Variants in CNTN4 observed in about 807,000 individuals in gnomAD.
CNTN4 encodes contactin 4.
In CNTN4, 77 loss-of-function variants were observed where a neutral mutation model predicts 122.5. That is an observed-to-expected ratio of 0.63 (90% confidence interval 0.52 to 0.76). The LOEUF is 0.76. Ranked by LOEUF, CNTN4 falls within the 30% of genes least tolerant of loss-of-function variation. CNTN4 has a pLI of 0.00. For missense variants in CNTN4, 1,256 were observed against 1,259.1 expected, an observed-to-expected ratio of 1.00 and a Z score of 0.04; for synonymous variants, 512 against 447.0, an observed-to-expected ratio of 1.15 and a Z score of -1.83.
intron 10 of CNTN4, among the ~76,000 whole-genome samples, chr3:2,887,580 C>A (rs2093993260): frequency 6.6e-6 from 1 of 151,308 alleles, no homozygotes; most frequent in Admixed American, 6.6e-5. Context: ...TTTTTTTAAG[C>A]TCTGTGCTTT....
chr3:2,121,497 A>G (rs79185185), intron 2 of CNTN4, among the ~76,000 whole-genome samples: 1 of 68,570 alleles, frequency 1.5e-5, no homozygotes. Context: ...ACTCCGTCTC[A>G]AAAAAAAAAA....
At chr3:2,129,992 A>G (rs548342255) in intron 2 of CNTN4, among the ~76,000 whole-genome samples, 1 of 152,170 alleles carries the variant, frequency 6.6e-6, no homozygotes, top group East Asian at 1.9e-4. Flanking sequence ...AACTATTTCT[A>G]CTGTGAACTG....
At chr3:2,175,242 G>A (rs918773812) in intron 2 of CNTN4, among the ~76,000 whole-genome samples, 4 of 151,702 alleles carry the variant, frequency 2.6e-5, no homozygotes, top group Non-Finnish European at 5.9e-5. Context: ...AACCTCTGCC[G>A]ATAGCTTGCC....
chr3:2,902,798 A>G (rs2094189064), intron 11 of CNTN4, 78 bp from the exon 12 acceptor site: 2 of 1,469,220 alleles, frequency 1.4e-6, no homozygotes, highest in South Asian at 2.4e-5. Flanking sequence ...AGCTTCCTTG[A>G]TATTACACAT....
chr3:2,630,263 C>T (rs916754400), intron 4 of CNTN4, among the ~76,000 whole-genome samples: 1 of 152,056 alleles, frequency 6.6e-6, no homozygotes, highest in Non-Finnish European at 1.5e-5. Context: ...GGTGAAACCC[C>T]ATCTGTGCCA....
chr3:3,025,147 A>G (rs1053535924), intron 14 of CNTN4, among the ~76,000 whole-genome samples: 3 of 152,178 alleles, frequency 2.0e-5, no homozygotes, highest in Non-Finnish European at 4.4e-5. Flanking sequence ...AAAATAAGGC[A>G]CTATGGGTGT....
chr3:2,856,489 T>C (rs538965332), intron 7 of CNTN4, among the ~76,000 whole-genome samples: 29 of 152,258 alleles, frequency 1.9e-4, no homozygotes, highest in Non-Finnish European at 3.5e-4. Context: ...AGGGGATCAG[T>C]GACTATTTTT....
chr3:2,471,553 A>G (rs2075683688), intron 3 of CNTN4, among the ~76,000 whole-genome samples: 1 of 152,152 alleles, frequency 6.6e-6, no homozygotes, highest in South Asian at 2.1e-4. Flanking sequence ...CTTCCGAAAT[A>G]GTTAATTCAA....
In CNTN4 at chr3:2,747,215, C is replaced by T. The variant is rs372964055; in HGVS notation, c.358+1518C>T. On this transcript the variant is annotated intron_variant, in intron 6 of 24. Coordinates refer to ENST00000418658, the MANE Select transcript of CNTN4 (RefSeq NM_175607.3). Reference sequence around the variant, plus strand: ...ACGAGGTCAGGAGATCGAGACCATCCTGGCTAACACGATGAAACCGCGTCT... The same window carrying T: ...ACGAGGTCAGGAGATCGAGACCATCTTGGCTAACACGATGAAACCGCGTCT... Among the ~76,000 whole-genome samples, 13 of 152,120 alleles carry T rather than the reference C, an allele frequency of 8.5e-5. 1 individual carries two copies. The highest frequency in any genetic ancestry group is 4.1e-4 in the South Asian group (2 of 4,824).
chr3:2,286,973 G>A (rs916038518), intron 2 of CNTN4, among the ~76,000 whole-genome samples: 1 of 152,180 alleles, frequency 6.6e-6, no homozygotes, highest in African/African-American at 2.4e-5. Flanking sequence ...GTAGGTAGAA[G>A]TATGAAGAAT....
At chr3:2,362,400 G>C (rs749818840) in intron 3 of CNTN4, 2 of 342,816 alleles carry the variant, frequency 5.8e-6, no homozygotes, top group Non-Finnish European at 1.1e-5. Context: ...CAATTCCTGG[G>C]GGTGTAGCCC....
chr3:2,475,272 G>A (rs1437938583), intron 3 of CNTN4, among the ~76,000 whole-genome samples: 1 of 152,134 alleles, frequency 6.6e-6, no homozygotes, highest in Admixed American at 6.5e-5. Flanking sequence ...AGAAGAAAAG[G>A]ATGCCATTTG....
intron 2 of CNTN4, among the ~76,000 whole-genome samples, chr3:2,261,806 A>G (rs536311675): frequency 1.8e-4 from 27 of 152,264 alleles, no homozygotes; most frequent in Admixed American, 9.8e-4. Flanking sequence ...TTCCATTTGT[A>G]CTACTTTTTA....
intron 3 of CNTN4, among the ~76,000 whole-genome samples, chr3:2,478,917 T>G (rs949261849): frequency 6.6e-6 from 1 of 152,142 alleles, no homozygotes; most frequent in African/African-American, 2.4e-5. Context: ...TATATTATAT[T>G]TATACTTTAA....
intron 4 of CNTN4, among the ~76,000 whole-genome samples, chr3:2,715,019 A>G (rs1360902031): frequency 6.6e-6 from 1 of 152,224 alleles, no homozygotes; most frequent in Non-Finnish European, 1.5e-5. Flanking sequence ...ATTAGACTTC[A>G]ACAGCATTTG....
At position 2,113,526 on chromosome 3, in the gene CNTN4, G is replaced by C. The variant is rs571782405; in HGVS notation, c.-145+12887G>C. On this transcript the variant is annotated intron_variant, in intron 2 of 24. Coordinates refer to ENST00000418658, the MANE Select transcript of CNTN4 (RefSeq NM_175607.3). ...ATTAAAGATTGATAGACATTGATTT[G>C]CATTGTATTCTTAACTAACTGAAAC... 2.2e-4 allele frequency among the ~76,000 whole-genome samples: 34 copies of C among 152,224 alleles called. No individual in the cohort carries two copies. The East Asian group carries it at 6.4e-3, about 29-fold the overall frequency.
intron 2 of CNTN4, among the ~76,000 whole-genome samples, chr3:2,129,742 TG>T (rs2034362178): frequency 1.3e-5 from 2 of 151,778 alleles, no homozygotes; most frequent in Admixed American, 1.3e-4. Context: ...ACAACCTTTC[TG>T]GCTTTCCTGT....
intron 4 of CNTN4, among the ~76,000 whole-genome samples, chr3:2,692,722 A>G (rs2085808695): frequency 6.6e-6 from 1 of 152,164 alleles, no homozygotes; most frequent in East Asian, 1.9e-4. Flanking sequence ...AAATAGCTTT[A>G]TAGAAAAATT....
At chr3:2,239,194 G>C (rs1243180155) in intron 2 of CNTN4, 1 of 152,014 alleles carries the variant, frequency 6.6e-6, no homozygotes. Context: ...TTTATATTTT[G>C]GTAATTCTGT....
Sources: allele counts gnomAD v4.1 joint callset (sites outside exome capture counted in the v4.1 genomes callset), GRCh38; gene constraint gnomAD v4.1.1; transcripts MANE v1.5; gene names NCBI Gene and HGNC (gene_info 2026-07-23, HGNC 2026-07-21).